The following RBPJ variants were observed in gnomAD, a reference collection of about 807,000 sequenced individuals.
The protein encoded by RBPJ is recombining binding protein suppressor of hairless.
In RBPJ, 9 loss-of-function variants were observed where a neutral mutation model predicts 67.8. The ratio of observed to expected loss-of-function variants is 0.13; its 90% CI spans 0.08 to 0.23. The LOEUF is 0.23. Ranked by LOEUF, RBPJ falls within the 10% of genes least tolerant of loss-of-function variation. The pLI, the probability that RBPJ is intolerant of heterozygous loss-of-function variation, is 1.00. For missense variants in RBPJ, 305 were observed against 595.6 expected (o/e 0.51, Z 5.08); for synonymous variants, 198 against 203.3 (o/e 0.97, Z 0.22).
chr4:26,274,303 A>G (rs1721010335), intron 1 of RBPJ, among the ~76,000 whole-genome samples: 1 of 152,150 alleles, frequency 6.6e-6, no homozygotes, highest in African/African-American at 2.4e-5. Flanking sequence ...AACCCTAAGG[A>G]AGATAAGAGA....
At chr4:26,416,336 T>A (rs10012023) in intron 4 of RBPJ, among the ~76,000 whole-genome samples, 3,124 of 152,296 alleles carry the variant, frequency 0.021, 65 homozygotes, top group African/African-American at 0.057. Context: ...CTTGGCTGAC[T>A]GCAACCTCCA....
chr4:26,124,459 T>TATATATATAC, the RBPJ span, among the ~76,000 whole-genome samples: 1 of 119,002 alleles, frequency 8.4e-6, no homozygotes, highest in African/African-American at 3.1e-5. Context: ...TATATATATA[T>TATATATATAC]ATACCAGTTT....
chr4:26,407,304 C>A (rs1268664757), intron 3 of RBPJ, among the ~76,000 whole-genome samples: 3 of 152,210 alleles, frequency 2.0e-5, no homozygotes, highest in Non-Finnish European at 4.4e-5. Context: ...GGCCCTCTCT[C>A]TTGATCCTAT....
chr4:26,259,032 G>C (rs1720443039), intron 1 of RBPJ, among the ~76,000 whole-genome samples: 1 of 151,958 alleles, frequency 6.6e-6, no homozygotes, highest in South Asian at 2.1e-4. Context: ...TCAACCTCCT[G>C]ACCTCGTGAT....
At chr4:26,396,741 TTTAC>T (rs767476628) in intron 2 of RBPJ, among the ~76,000 whole-genome samples, 6 of 152,276 alleles carry the variant, frequency 3.9e-5, no homozygotes, top group South Asian at 2.1e-4. Context: ...TTTGAAGCAA[TTTAC>T]TTACTTATCT....
At chr4:26,385,808 A>C (rs187534206) in intron 1 of RBPJ, among the ~76,000 whole-genome samples, 1 of 135,480 alleles carries the variant, frequency 7.4e-6, no homozygotes, top group East Asian at 2.1e-4. Context: ...TTATTTTTTT[A>C]TTTTATTTTT....
At chr4:26,351,984 C>G (rs1021720223) in intron 1 of RBPJ, among the ~76,000 whole-genome samples, 1 of 152,096 alleles carries the variant, frequency 6.6e-6, no homozygotes, top group African/African-American at 2.4e-5. Flanking sequence ...GGGGAGTTCC[C>G]TTTCATACCT....
the RBPJ span, among the ~76,000 whole-genome samples, chr4:26,131,343 AT>A: frequency 5.3e-5 from 8 of 152,188 alleles, no homozygotes; most frequent in African/African-American, 1.4e-4. Context: ...GTTACAAGCA[AT>A]TTTTTAAAAA....
chr4:26,354,068 C>T (rs1024365103), intron 1 of RBPJ, among the ~76,000 whole-genome samples: 17 of 151,572 alleles, frequency 1.1e-4, no homozygotes, highest in African/African-American at 3.9e-4. Flanking sequence ...GTAGCTGGGA[C>T]TACAGGCGCG....
chr4:26,424,577 CATAAA>C lies in RBPJ; in HGVS notation c.635-48_635-44del. On this transcript the variant is annotated intron_variant, in intron 6 of 10. Coordinates refer to ENST00000355476, the MANE Select transcript of RBPJ (RefSeq NM_015874.6). The surrounding 1 kb of genome is among the most constrained non-coding windows in gnomAD (Gnocchi z 5.3). The stretch of plus-strand genomic sequence containing the variant: ...TATTAAGTTTTGTCATTTGCCTAAT[CATAAA>C]ATAAATTTAAAAAGATGACAATTTG... 6.4e-7 allele frequency: 1 copy of C among 1,558,872 alleles called. No individual in the cohort carries two copies. The highest frequency in any genetic ancestry group is 8.8e-7 in the Non-Finnish European group (1 of 1,137,670).
At chr4:26,398,130 T>G (rs563579274) in intron 2 of RBPJ, among the ~76,000 whole-genome samples, 142 of 152,276 alleles carry the variant, frequency 9.3e-4, no homozygotes, top group Non-Finnish European at 1.5e-3. Flanking sequence ...CAAAAATAAG[T>G]TTCTTCATTA....
intron 1 of RBPJ, among the ~76,000 whole-genome samples, chr4:26,324,563 C>T (rs1368667575): frequency 6.6e-6 from 1 of 152,108 alleles, no homozygotes; most frequent in African/African-American, 2.4e-5. Flanking sequence ...CAGGGTCTCA[C>T]TCTGTGGCCA....
chr4:26,212,885 G>A lies in RBPJ; in HGVS notation c.-167+49271G>A, dbSNP rs537582811. ...TCCATAAAAGGCCCAAGAGGACAGGGTATGGGAGCTTCTGGACAGCTGAAG... is the reference window on the plus strand; with the variant it reads ...TCCATAAAAGGCCCAAGAGGACAGGATATGGGAGCTTCTGGACAGCTGAAG... On this transcript the variant is annotated intron_variant, in intron 1 of 4. Transcript: ENST00000512351. Among the ~76,000 whole-genome samples, 3 of 152,152 alleles carry A rather than the reference G, an allele frequency of 2.0e-5. No homozygotes were observed. In the South Asian group the frequency reaches 6.2e-4, roughly 32 times the overall value.
chr4:26,321,092 G>T, intron 1 of RBPJ, 44 bp downstream of exon 1: 1 of 1,504,488 alleles, frequency 6.6e-7, no homozygotes, highest in Non-Finnish European at 9.2e-7. Flanking sequence ...GGAAAGTTGC[G>T]GGCGTCTGGC....
intron 1 of RBPJ, among the ~76,000 whole-genome samples, chr4:26,246,362 A>G (rs960326009): frequency 1.3e-5 from 2 of 152,068 alleles, no homozygotes; most frequent in African/African-American, 4.8e-5. Flanking sequence ...TCATTTTCAG[A>G]TTTTTCATCA....
intron 1 of RBPJ, among the ~76,000 whole-genome samples, chr4:26,385,783 T>TA (rs917198536): frequency 1.3e-5 from 2 of 150,890 alleles, no homozygotes; most frequent in African/African-American, 4.8e-5. Flanking sequence ...TCTTTTTTTT[T>TA]AATATATTAT....
chr4:26,374,203 G>C (rs1040161544), intron 1 of RBPJ, among the ~76,000 whole-genome samples: 1 of 152,098 alleles, frequency 6.6e-6, no homozygotes, highest in African/African-American at 2.4e-5. Context: ...GCCTTCCAAA[G>C]TGTTAGGACT....
intron 1 of RBPJ, among the ~76,000 whole-genome samples, chr4:26,169,239 A>G (rs1183303857): frequency 6.6e-6 from 1 of 152,016 alleles, no homozygotes; most frequent in Non-Finnish European, 1.5e-5. Flanking sequence ...TGATGTACAG[A>G]TGGGTTTTTG....
intron 1 of RBPJ, among the ~76,000 whole-genome samples, chr4:26,215,019 A>T: frequency 1.6e-5 from 1 of 61,628 alleles, no homozygotes; most frequent in Non-Finnish European, 3.3e-5. Context: ...AAGGAGAGAA[A>T]GAAAGAAAGA....
Sources: gnomAD v4.1 joint callset for allele counts (sites outside exome capture counted in the v4.1 genomes callset) on GRCh38, gnomAD v4.1.1 for gene constraint, Gnocchi (gnomAD v3.1) non-coding constraint, MANE v1.5 for transcripts, NCBI Gene and HGNC (gene_info 2026-07-23, HGNC 2026-07-21) for gene names.